UACA: variants seen among roughly 807,000 people sequenced by gnomAD.
UACA encodes the protein nuclear membrane binding protein.
In UACA, 112 loss-of-function variants were observed where a neutral mutation model predicts 160.5. The observed-to-expected ratio is 0.70, with a 90% CI of 0.60 to 0.82. The LOEUF (loss-of-function observed/expected upper bound fraction) is 0.82. Among genes scored for constraint, UACA ranks in the 40% least tolerant of loss-of-function variants. The pLI is 0.00. For synonymous variants in UACA, 557 were observed against 568.4 expected, an observed-to-expected ratio of 0.98 and a Z score of 0.29; for missense variants, 1,574 against 1,614.6, an observed-to-expected ratio of 0.97 and a Z score of 0.43.
chr15:70,764,105 A>C (rs1200436861), upstream of UACA, among the ~76,000 whole-genome samples: 1 of 152,242 alleles, frequency 6.6e-6, no homozygotes, highest in Admixed American at 6.5e-5. Flanking sequence ...ACGTACAGTT[A>C]AGAAAGACCT....
chr15:70,748,935 T>C (rs1899794395), intron 1 of UACA: 1 of 152,592 alleles, frequency 6.6e-6, no homozygotes, highest in Admixed American at 6.5e-5. Flanking sequence ...TCTTCACAAG[T>C]CCTATTACCC....
At chr15:70,774,545 C>CAAAAAAGAAAAAAAAAAAAAAAA in the UACA span, among the ~76,000 whole-genome samples, 1 of 82,456 alleles carries the variant, frequency 1.2e-5, no homozygotes, top group Non-Finnish European at 2.3e-5. Context: ...GACTCTGTCT[C>CAAAAAAGAAAAAAAAAAAAAAAA]AAAAAAAAAA....
In UACA at chr15:70,655,434, G is replaced by A. The variant is rs550508544; in HGVS notation, c.*1622C>T. 1 of 152,236 alleles carries A rather than the reference G, an allele frequency of 6.6e-6. No individual in the cohort carries two copies. Among genetic ancestry groups the A allele is most frequent in the East Asian group, 1.9e-4 (1 of 5,176 alleles). 9.4% of individuals were successfully genotyped at this position (152,236 alleles called of 1,614,324 possible). A position where few individuals can be genotyped will look rare whatever the true frequency, so the allele number is the denominator to read the frequency against. The stretch of plus-strand genomic sequence containing the variant: ...GTAGAGATGGGGCTTCACCATATTG[G>A]TAAGGCTGGTCTCGAACTTCTGACC... On this transcript the variant is annotated 3_prime_UTR_variant, in exon 19 of 19. Coordinates refer to ENST00000322954, the MANE Select transcript of UACA (RefSeq NM_018003.4).
chr15:70,698,023 C>T (rs1421787584), intron 2 of UACA, among the ~76,000 whole-genome samples: 1 of 151,950 alleles, frequency 6.6e-6, no homozygotes, highest in Non-Finnish European at 1.5e-5. Context: ...GCACAACCAG[C>T]CTGGGCAACA....
chr15:70,716,332 G>A (rs1486560633), intron 1 of UACA, among the ~76,000 whole-genome samples: 3 of 152,156 alleles, frequency 2.0e-5, no homozygotes, highest in African/African-American at 4.8e-5. Flanking sequence ...TCCAGTCCTC[G>A]TGCAGCCACC....
chr15:70,705,071 T>C (rs548761146), intron 1 of UACA, among the ~76,000 whole-genome samples: 65 of 152,338 alleles, frequency 4.3e-4, no homozygotes, highest in Non-Finnish European at 7.8e-4. Context: ...GACTCAGCTA[T>C]TGTTACGGGC....
In UACA at chr15:70,656,896, T is replaced by A. The variant is rs954557874; in HGVS notation, c.*160A>T. 9.9e-6 allele frequency: 5 copies of A among 502,700 alleles called. No individual in the cohort carries two copies. Among genetic ancestry groups the A allele is most frequent in the African/African-American group, 3.8e-5 (2 of 52,252 alleles). 31.1% of individuals were successfully genotyped at this position (502,700 alleles called of 1,614,324 possible). On this transcript the variant is annotated 3_prime_UTR_variant, in exon 19 of 19. Coordinates refer to ENST00000322954, the MANE Select transcript of UACA (RefSeq NM_018003.4). Reference sequence around the variant, plus strand: ...GATTCAAACTGATATTGAAAAAGACTAACATATTCATCTAATTTTAAAAAA... The same window carrying A: ...GATTCAAACTGATATTGAAAAAGACAAACATATTCATCTAATTTTAAAAAA...
Position 70,757,784 on chromosome 15 carries a change from A to C in UACA, c.78+5546T>G, listed in dbSNP as rs2030516976. Reference sequence around the variant, plus strand: ...CAGTTGCTATTCTTACTGATGATCAAACTGTCCCATCTTTGGGCAACTGAG... The same window carrying C: ...CAGTTGCTATTCTTACTGATGATCACACTGTCCCATCTTTGGGCAACTGAG... On this transcript the variant is annotated intron_variant, in intron 1 of 18. Transcript: ENST00000322954. Among the ~76,000 whole-genome samples, 2 of 152,196 alleles carry C rather than the reference A, an allele frequency of 1.3e-5. 1 individual carries two copies. The highest frequency in any genetic ancestry group is 4.1e-4 in the South Asian group (2 of 4,832).
intron 1 of UACA, chr15:70,701,821 A>G (rs1898373607): frequency 2.0e-6 from 3 of 1,494,994 alleles, no homozygotes; most frequent in Non-Finnish European, 2.7e-6. Context: ...AAAAGAACAC[A>G]GTTCAGAAAG....
At chr15:70,658,960 G>A (rs75767455) in intron 18 of UACA, among the ~76,000 whole-genome samples, 1,656 of 152,300 alleles carry the variant, frequency 0.011, 31 homozygotes, top group African/African-American at 0.038. Flanking sequence ...AATTCCGGAA[G>A]TGCATATTAT....
Position 70,668,684 on chromosome 15 carries a change from A to G in UACA, c.2000T>C (p.Leu667Ser). Residue 667 changes from leucine (L) to serine (S), a missense_variant, in exon 16 of 19, where the codon TTA becomes TCA. By Grantham distance (145) the Leu-to-Ser change is moderately radical (BLOSUM62 -2). Transcript: ENST00000322954. Reference protein sequence around the residue: ...HEKSLSEIRQLKRELENVKAK... With the variant: ...HEKSLSEIRQSKRELENVKAK... ...CTTAACATTCTCAAGTTCTCTCTTT[A>G]ACTGTCTAATTTCACTAAGTGATTT... 6.2e-7 allele frequency: 1 copy of G among 1,613,988 alleles called. No individual in the cohort carries two copies. The highest frequency in any genetic ancestry group is 8.5e-7 in the Non-Finnish European group (1 of 1,179,984).
rs1899452344 is a variant in UACA, at chr15:70,739,057, G to A, written c.78+24273C>T. ...TCATGAATCCAACCCATATTCAAGA[G>A]GTAGGGAAACAAAGTCACATTGCAA... On this transcript the variant is annotated intron_variant, in intron 1 of 18. Transcript: ENST00000322954. 2.0e-5 allele frequency among the ~76,000 whole-genome samples: 3 copies of A among 152,168 alleles called. No individual in the cohort carries two copies. The South Asian group carries it at 6.2e-4, about 32-fold the overall frequency.
At chr15:70,665,597 G>T (rs532006864) in intron 16 of UACA, among the ~76,000 whole-genome samples, 9 of 151,862 alleles carry the variant, frequency 5.9e-5, no homozygotes, top group Admixed American at 1.3e-4. Context: ...ATTTTTTATT[G>T]AAAAATAATA....
chr15:70,737,146 T>C (rs1325619173), intron 1 of UACA, among the ~76,000 whole-genome samples: 3 of 152,240 alleles, frequency 2.0e-5, no homozygotes, highest in Non-Finnish European at 4.4e-5. Flanking sequence ...GATAACTTAA[T>C]TTGAATAGGT....
rs372824577 is a variant in UACA, at chr15:70,695,048, A to G, written c.270T>C (p.His90=). The change falls in exon 3 of 19, where the codon CAT becomes CAC. Residue 90 remains histidine (H), a synonymous_variant. Coordinates refer to ENST00000322954, the MANE Select transcript of UACA (RefSeq NM_018003.4). ...TGTCACTGGTTGTAATATCAACTCC[A>G]TGTATAAGGATGGCATTCAAACACT... ...NLECLNAILI[H]GVDITTSDTA... The G allele has an allele frequency of 5.0e-6, 8 of 1,610,856 alleles. No individual in the cohort carries two copies. The highest frequency in any genetic ancestry group is 3.3e-4 in the Middle Eastern group (2 of 6,054).
intron 9 of UACA, among the ~76,000 whole-genome samples, chr15:70,681,362 C>T (rs535444610): frequency 1.3e-5 from 2 of 151,762 alleles, no homozygotes; most frequent in South Asian, 4.2e-4. Flanking sequence ...ATTACATGTG[C>T]CTTAGTATTA....
chr15:70,750,485 T>C (rs370673172), intron 1 of UACA, among the ~76,000 whole-genome samples: 2 of 152,316 alleles, frequency 1.3e-5, no homozygotes, highest in East Asian at 1.9e-4. Flanking sequence ...TGATATTTCC[T>C]CTTCTCTATG....
upstream of UACA, among the ~76,000 whole-genome samples, chr15:70,765,162 A>G (rs976965888): frequency 2.0e-5 from 3 of 152,126 alleles, no homozygotes; most frequent in African/African-American, 7.2e-5. Context: ...ATGGCTTTCA[A>G]CTTCCACATC....
chr15:70,689,686 C>T (rs550320808), intron 5 of UACA, among the ~76,000 whole-genome samples: 4 of 151,926 alleles, frequency 2.6e-5, no homozygotes, highest in Admixed American at 1.3e-4. Context: ...TTCCTTTGGC[C>T]TTATAGTTAA....
Sources: allele counts gnomAD v4.1 joint callset (sites outside exome capture counted in the v4.1 genomes callset), GRCh38; gene constraint gnomAD v4.1.1; transcripts MANE v1.5; gene names NCBI Gene and HGNC (gene_info 2026-07-23, HGNC 2026-07-21).